The following ST18 variants were observed in gnomAD, a reference collection of about 807,000 sequenced individuals.
The protein encoded by ST18 is ST18 C2H2C-type zinc finger transcription factor.
Under a neutral mutation model 110.0 loss-of-function variants are expected in ST18, and 50 were observed. That is an observed-to-expected ratio of 0.45 (90% CI 0.36 to 0.58). ST18 has a LOEUF of 0.58. ST18 is among the 20% of genes least tolerant of loss of function. The probability of loss-of-function intolerance (pLI) is 0.00; values close to 1 mark genes in which losing one functional copy is unlikely to be tolerated. For synonymous variants in ST18, 461 were observed against 452.4 expected, an observed-to-expected ratio of 1.02 and a Z score of -0.24; for missense variants, 1,306 against 1,280.1, an observed-to-expected ratio of 1.02 and a Z score of -0.31.
chr8:52,184,096 TGAGA>T (rs1435502629), intron 8 of ST18, among the ~76,000 whole-genome samples: 1 of 152,218 alleles, frequency 6.6e-6, no homozygotes, highest in African/African-American at 2.4e-5. Context: ...TACATGTCAC[TGAGA>T]GAAATGCCAC....
chr8:52,250,199 T>C (rs1204352093), intron 2 of ST18, among the ~76,000 whole-genome samples: 2 of 151,616 alleles, frequency 1.3e-5, no homozygotes, highest in Non-Finnish European at 2.9e-5. Flanking sequence ...GGCTAAAGAG[T>C]GTGGGGAGAA....
At chr8:52,129,617 A>G (rs2048422176) in intron 22 of ST18, among the ~76,000 whole-genome samples, 1 of 152,188 alleles carries the variant, frequency 6.6e-6, no homozygotes, top group African/African-American at 2.4e-5. Flanking sequence ...AGAGTATTCC[A>G]CCTTAAAGAG....
intron 2 of ST18, among the ~76,000 whole-genome samples, chr8:52,236,625 A>C (rs1352102751): frequency 6.6e-6 from 1 of 151,946 alleles, no homozygotes; most frequent in African/African-American, 2.4e-5. Flanking sequence ...AAAAAAAAAA[A>C]AAAAACTATA....
At chr8:52,126,280 A>G in intron 22 of ST18, 140 bp from the exon 23 acceptor site, 1 of 797,272 alleles carries the variant, frequency 1.3e-6, no homozygotes, top group South Asian at 1.9e-5. Context: ...TGTAGAGAGT[A>G]ATGAATACAT....
intron 8 of ST18, among the ~76,000 whole-genome samples, chr8:52,186,480 T>C (rs997311023): frequency 1.3e-5 from 2 of 152,154 alleles, no homozygotes; most frequent in African/African-American, 4.8e-5. Context: ...GGTAAATCGG[T>C]ATGGCTGCTT....
intron 2 of ST18, among the ~76,000 whole-genome samples, chr8:52,301,298 G>C (rs1238093933): frequency 6.6e-6 from 1 of 152,106 alleles, no homozygotes; most frequent in Non-Finnish European, 1.5e-5. Flanking sequence ...AAAAAAGATA[G>C]CATAAGTGAT....
chr8:52,197,693 G>A (rs1400304834), intron 8 of ST18, among the ~76,000 whole-genome samples: 2 of 152,104 alleles, frequency 1.3e-5, no homozygotes, highest in Admixed American at 1.3e-4. Context: ...GAGTGGGTAA[G>A]ATGGAAGAAA....
chr8:52,138,130 A>G (rs764673209), intron 17 of ST18, among the ~76,000 whole-genome samples: 115 of 151,628 alleles, frequency 7.6e-4, no homozygotes, highest in Non-Finnish European at 1.4e-3. Flanking sequence ...AAAGAAAAAT[A>G]CATATGTTAT....
At chr8:52,132,915 CAAAT>C in intron 21 of ST18, 138 bp downstream of exon 21, 1 of 916,438 alleles carries the variant, frequency 1.1e-6, no homozygotes, top group East Asian at 2.4e-5. Context: ...CTCAAACCAC[CAAAT>C]AGTTTGACTC....
chr8:52,317,888 T>A (rs2096059767), intron 2 of ST18, among the ~76,000 whole-genome samples: 1 of 152,216 alleles, frequency 6.6e-6, no homozygotes, highest in Admixed American at 6.5e-5. Flanking sequence ...TTGGCCACAT[T>A]TTTATTGTAC....
chr8:52,158,919 C>A lies in ST18; in HGVS notation c.1785G>T (p.Lys595Asn). 1 of 1,614,024 alleles carries A rather than the reference C, an allele frequency of 6.2e-7. No individual in the cohort carries two copies. The highest frequency in any genetic ancestry group is 1.7e-4 in the Middle Eastern group (1 of 6,056). Residue 595 changes from lysine to asparagine, a missense_variant, in exon 15 of 26, where the codon AAG (lysine) becomes AAT (asparagine). Coordinates refer to ENST00000689386, the MANE Select transcript of ST18 (RefSeq NM_001352837.2). ...CTACCTTGGCATGCAGACTCTGTGG[C>A]TTGTTGGAGAGGATGTCTGTGGCTT... ...CREATDILSN[K>N]PQSLHAKGAE...
chr8:52,212,030 A>G (rs1433526689), intron 8 of ST18, 49 bp downstream of exon 8: 2 of 1,566,090 alleles, frequency 1.3e-6, no homozygotes, highest in African/African-American at 2.7e-5. Flanking sequence ...TCATTCGAAT[A>G]ATCAAGGCCC....
At chr8:52,232,879 T>C (rs555084418) in intron 2 of ST18, among the ~76,000 whole-genome samples, 2 of 152,010 alleles carry the variant, frequency 1.3e-5, no homozygotes, top group Admixed American at 1.3e-4. Context: ...AGTGATCTGC[T>C]CAGTTCAGGA....
chr8:52,239,647 C>G (rs1331813719), intron 2 of ST18, among the ~76,000 whole-genome samples: 1 of 152,148 alleles, frequency 6.6e-6, no homozygotes, highest in African/African-American at 2.4e-5. Flanking sequence ...TAAGAACAGA[C>G]ATGTATCAGC....
chr8:52,185,417 G>A (rs2071658879), intron 8 of ST18, among the ~76,000 whole-genome samples: 1 of 152,094 alleles, frequency 6.6e-6, no homozygotes, highest in South Asian at 2.1e-4. Context: ...AAGTTTACAA[G>A]TTAATTCTAC....
chr8:52,256,447 C>T (rs930409609), intron 2 of ST18, among the ~76,000 whole-genome samples: 5 of 152,170 alleles, frequency 3.3e-5, no homozygotes, highest in African/African-American at 9.7e-5. Flanking sequence ...ACTGCAGCCT[C>T]GACTTCCTGG....
intron 2 of ST18, among the ~76,000 whole-genome samples, chr8:52,231,638 A>C (rs1038711141): frequency 6.6e-6 from 1 of 152,150 alleles, no homozygotes; most frequent in African/African-American, 2.4e-5. Context: ...CACCAAGCCC[A>C]GTGAATTTTT....
At chr8:52,348,030 A>G (rs1163292893) in intron 2 of ST18, among the ~76,000 whole-genome samples, 1 of 152,166 alleles carries the variant, frequency 6.6e-6, no homozygotes, top group East Asian at 1.9e-4. Context: ...TGGGCAAACT[A>G]TGGTCCATGA....
intron 2 of ST18, among the ~76,000 whole-genome samples, chr8:52,235,198 A>G (rs2092430652): frequency 6.6e-6 from 1 of 152,192 alleles, no homozygotes; most frequent in African/African-American, 2.4e-5. Context: ...AAAAATAAAA[A>G]AAAGAATGCT....
Sources: gnomAD v4.1 joint callset for allele counts (sites outside exome capture counted in the v4.1 genomes callset) on GRCh38, gnomAD v4.1.1 for gene constraint, MANE v1.5 for transcripts, NCBI Gene and HGNC (gene_info 2026-07-23, HGNC 2026-07-21) for gene names.